ST3GAL2: variants seen among roughly 807,000 people sequenced by gnomAD.
The protein encoded by ST3GAL2 is CMP-N-acetylneuraminate-beta-galactosamide-alpha-2,3-sialyltransferase 2.
In ST3GAL2, 16 loss-of-function variants were observed where a neutral mutation model predicts 37.5. That is an observed-to-expected ratio of 0.43 (90% CI 0.29 to 0.65). ST3GAL2 has a LOEUF of 0.65. Among genes scored for constraint, ST3GAL2 ranks in the 30% least tolerant of loss-of-function variants. The pLI, the probability that ST3GAL2 is intolerant of heterozygous loss-of-function variation, is 0.17. For missense variants in ST3GAL2, 383 were observed against 487.8 expected (o/e 0.79, Z 2.02); for synonymous variants, 238 against 202.9 (o/e 1.17, Z -1.47).
intron 1 of ST3GAL2, among the ~76,000 whole-genome samples, chr16:70,405,347 C>G (rs1287998647): frequency 4.0e-5 from 6 of 151,722 alleles, no homozygotes; most frequent in African/African-American, 7.3e-5. Context: ...CGAGACCATC[C>G]TGGTTAACAT....
intron 1 of ST3GAL2, among the ~76,000 whole-genome samples, chr16:70,432,615 C>T (rs938735925): frequency 6.6e-6 from 1 of 152,184 alleles, no homozygotes; most frequent in South Asian, 2.1e-4. Flanking sequence ...CATGGCATAA[C>T]TGGAGGAAAA....
chr16:70,419,745 G>A (rs2047701010), intron 1 of ST3GAL2, among the ~76,000 whole-genome samples: 1 of 152,206 alleles, frequency 6.6e-6, no homozygotes, highest in Admixed American at 6.5e-5. Flanking sequence ...AGGTACAGGT[G>A]AAAACATGGT....
chr16:70,404,037 A>C (rs2047573168), intron 1 of ST3GAL2, among the ~76,000 whole-genome samples: 1 of 152,142 alleles, frequency 6.6e-6, no homozygotes, highest in African/African-American at 2.4e-5. Context: ...ATGCAGTTGG[A>C]AACAGGCAGT....
Position 70,398,514 on chromosome 16 carries a change from C to A in ST3GAL2, c.17G>T (p.Arg6Leu). 6.2e-7 allele frequency: 1 copy of A among 1,606,698 alleles called. No homozygotes were observed. Among genetic ancestry groups the A allele is most frequent in the East Asian group, 2.2e-5 (1 of 44,626 alleles). ...GAAGGCCACGGAGAGGAACCACACC[C>A]GCAGGGAGCACTTCATGGTGCCGGC... is the stretch of plus-strand genomic sequence containing the variant. MKCSL[R>L]VWFLSVAFLL... Residue 6 changes from arginine (R) to leucine (L), a missense_variant, in exon 2 of 7, where the codon CGG becomes CTG. Around this residue, in one of 2 missense-constraint regions of ST3GAL2, gnomAD observed 223 missense variants for 239.1 expected, o/e 0.93. Transcript: ENST00000342907.
chr16:70,434,979 G>C (rs80072707), intron 1 of ST3GAL2, among the ~76,000 whole-genome samples: 3,162 of 152,292 alleles, frequency 0.021, 43 homozygotes, highest in Non-Finnish European at 0.032. Context: ...AAGACTCCCA[G>C]GTATCCTGTC....
intron 1 of ST3GAL2, among the ~76,000 whole-genome samples, chr16:70,404,702 A>G (rs2047577655): frequency 1.3e-5 from 2 of 152,204 alleles, no homozygotes; most frequent in Admixed American, 6.5e-5. Flanking sequence ...ACTTCTAGGT[A>G]TATACTCAAG....
At chr16:70,390,818 C>T (rs556744699) in intron 3 of ST3GAL2, among the ~76,000 whole-genome samples, 4 of 152,324 alleles carry the variant, frequency 2.6e-5, no homozygotes, top group African/African-American at 9.6e-5. Context: ...TAGTATGCAT[C>T]TTACGTAACA....
In ST3GAL2 at chr16:70,396,121, T is replaced by G. The variant is rs887116767; in HGVS notation, c.340-946A>C. On this transcript the variant is annotated intron_variant, in intron 2 of 6. Coordinates refer to ENST00000342907, the MANE Select transcript of ST3GAL2 (RefSeq NM_006927.4). Reference sequence around the variant, plus strand: ...CGAGTAGCTGCAATTACAGGCATGCTTCACCATACCCTACTAATTTTGTAT... The same window carrying G: ...CGAGTAGCTGCAATTACAGGCATGCGTCACCATACCCTACTAATTTTGTAT... Among the ~76,000 whole-genome samples the G allele has an allele frequency of 2.6e-5, 4 of 151,902 alleles. No individual in the cohort carries two copies. The East Asian group carries it at 5.8e-4, about 22-fold the overall frequency.
rs1476866633 is a variant in ST3GAL2, at chr16:70,376,036, C to A, written c.*5653G>T. Reference sequence around the variant, plus strand: ...AAGACAGCTGAGATGTCAAACTCTTCCCTTTCATGGTCTCCAGTGCGGTGC... The same window carrying A: ...AAGACAGCTGAGATGTCAAACTCTTACCTTTCATGGTCTCCAGTGCGGTGC... On this transcript the variant is annotated 3_prime_UTR_variant, in exon 7 of 7. Coordinates refer to ENST00000342907, the MANE Select transcript of ST3GAL2 (RefSeq NM_006927.4). The A allele has an allele frequency of 1.3e-5, 2 of 152,200 alleles. No individual in the cohort carries two copies. Among genetic ancestry groups the A allele is most frequent in the Non-Finnish European group, 2.9e-5 (2 of 68,042 alleles). 9.4% of individuals were successfully genotyped at this position (152,200 alleles called of 1,614,324 possible).
rs901893887 is a variant in ST3GAL2 at position 70,381,580 on chromosome 16, A to C, written c.*109T>G. 1 of 1,343,478 alleles carries C rather than the reference A, an allele frequency of 7.4e-7. No individual in the cohort carries two copies. The highest frequency in any genetic ancestry group is 1.0e-6 in the Non-Finnish European group (1 of 999,982). The allele number at this position is 1,343,478 out of a possible 1,614,324, so 83.2% of individuals were successfully genotyped here. The stretch of plus-strand genomic sequence containing the variant: ...AGTCTCGTGATTGGCGGGGCACAGC[A>C]GACGCCCCTGGGCTGCAGCATGATT... On this transcript the variant is annotated 3_prime_UTR_variant, in exon 7 of 7. Transcript: ENST00000342907.
chr16:70,413,125 C>A (rs2151670698), intron 1 of ST3GAL2, among the ~76,000 whole-genome samples: 1 of 152,168 alleles, frequency 6.6e-6, no homozygotes, highest in Admixed American at 6.5e-5. Flanking sequence ...TGGCGGATGC[C>A]TGTAATCCTA....
rs565386250 is a variant in ST3GAL2 at position 70,389,429 on chromosome 16, C to G, written c.534-883G>C. Among the ~76,000 whole-genome samples the G allele has an allele frequency of 6.6e-5, 10 of 151,702 alleles. No individual in the cohort carries two copies. In the East Asian group the frequency reaches 1.8e-3, roughly 27 times the overall value. On this transcript the variant is annotated intron_variant, in intron 3 of 6. Coordinates refer to ENST00000342907, the MANE Select transcript of ST3GAL2 (RefSeq NM_006927.4). ...GGTTCAAGCGATTCTCCTGCCTCAG[C>G]TTCCTCAGTAGACGGGACTACAACA... is the stretch of plus-strand genomic sequence containing the variant.
At chr16:70,429,588 C>CAAAAAAAAAAAAAA (rs1173306093) in intron 1 of ST3GAL2, among the ~76,000 whole-genome samples, 54 of 36,048 alleles carry the variant, frequency 1.5e-3, no homozygotes, top group African/African-American at 5.0e-3. Context: ...GACTCTGTCT[C>CAAAAAAAAAAAAAA]AAAAAAAAAA....
intron 1 of ST3GAL2, among the ~76,000 whole-genome samples, chr16:70,417,018 T>C (rs991900924): frequency 6.6e-6 from 1 of 152,150 alleles, no homozygotes; most frequent in Admixed American, 6.5e-5. Flanking sequence ...ATGAACAAAG[T>C]GCGTAGAAAA....
At chr16:70,431,804 A>C (rs966813870) in intron 1 of ST3GAL2, among the ~76,000 whole-genome samples, 1 of 151,950 alleles carries the variant, frequency 6.6e-6, no homozygotes, top group Non-Finnish European at 1.5e-5. Flanking sequence ...TCTACTAAAA[A>C]TACAAGAAAA....
At chr16:70,411,807 C>T (rs1419920148) in intron 1 of ST3GAL2, among the ~76,000 whole-genome samples, 1 of 152,032 alleles carries the variant, frequency 6.6e-6, no homozygotes, top group Non-Finnish European at 1.5e-5. Flanking sequence ...GCAGCCTGAC[C>T]AACATGGAGA....
At chr16:70,419,060 G>T (rs554692013) in intron 1 of ST3GAL2, among the ~76,000 whole-genome samples, 1 of 152,178 alleles carries the variant, frequency 6.6e-6, no homozygotes. Context: ...CCAACTCTTG[G>T]ATGTCAACAT....
chr16:70,435,794 CAAAAT>C lies in ST3GAL2; in HGVS notation c.-1004+3150_-1004+3154del, dbSNP rs375297989. ...GGGCAACAAGAGGGAAACCTCGTCT[CAAAAT>C]AAAATAAAATAAAATAAAATAAAAT... is the stretch of plus-strand genomic sequence containing the variant. On this transcript the variant is annotated intron_variant, in intron 1 of 6. Transcript: ENST00000342907. 6.1e-4 allele frequency among the ~76,000 whole-genome samples: 86 copies of C among 141,338 alleles called. 1 individual carries two copies. The highest frequency in any genetic ancestry group is 8.4e-4 in the East Asian group (4 of 4,752). 92.7% of individuals were successfully genotyped at this position (141,338 alleles called of 152,430 possible).
At position 70,380,143 on chromosome 16, in the gene ST3GAL2, C is replaced by G. The variant is rs1486690053; in HGVS notation, c.*1546G>C. ...CCTGAGAGAGGCATTCTACTAACCC[C>G]ACCCCAATCACCCCTATTTTTACTC... On this transcript the variant is annotated 3_prime_UTR_variant, in exon 7 of 7. Coordinates refer to ENST00000342907, the MANE Select transcript of ST3GAL2 (RefSeq NM_006927.4). The G allele has an allele frequency of 2.0e-5, 3 of 152,160 alleles. No individual in the cohort carries two copies. The highest frequency in any genetic ancestry group is 4.4e-5 in the Non-Finnish European group (3 of 68,102). The allele number at this position is 152,160 out of a possible 1,614,324, so 9.4% of individuals were successfully genotyped here.
Sources: allele counts gnomAD v4.1 joint callset (sites outside exome capture counted in the v4.1 genomes callset), GRCh38; gene constraint gnomAD v4.1.1; regional missense constraint gnomAD v4.1.1; transcripts MANE v1.5; gene names NCBI Gene and HGNC (gene_info 2026-07-23, HGNC 2026-07-21).